NELL1: variants seen among roughly 807,000 people sequenced by gnomAD.
NELL1 encodes protein kinase C-binding protein NELL1.
In NELL1, 76 loss-of-function variants were observed where a neutral mutation model predicts 107.4. The observed-to-expected ratio is 0.71, with a 90% CI of 0.59 to 0.86. The LOEUF (loss-of-function observed/expected upper bound fraction) is 0.86. Among genes scored for constraint, NELL1 ranks in the 40% least tolerant of loss-of-function variants. NELL1 has a pLI of 0.00. For missense variants in NELL1, 1,024 were observed against 1,005.5 expected, an observed-to-expected ratio of 1.02 and a Z score of -0.25; for synonymous variants, 353 against 341.2, an observed-to-expected ratio of 1.03 and a Z score of -0.38.
At chr11:20,775,105 T>C (rs1856723729) in intron 2 of NELL1, among the ~76,000 whole-genome samples, 1 of 152,220 alleles carries the variant, frequency 6.6e-6, no homozygotes, top group Non-Finnish European at 1.5e-5. Flanking sequence ...GCATAAACAT[T>C]GTAGTTTTTT....
At chr11:21,044,059 T>A (rs985587214) in intron 12 of NELL1, among the ~76,000 whole-genome samples, 1 of 152,122 alleles carries the variant, frequency 6.6e-6, no homozygotes, top group African/African-American at 2.4e-5. Context: ...ACCATAAAAA[T>A]GCTTGAGATT....
chr11:21,157,990 G>A (rs1489563901), intron 13 of NELL1, among the ~76,000 whole-genome samples: 1 of 152,186 alleles, frequency 6.6e-6, no homozygotes, highest in Non-Finnish European at 1.5e-5. Context: ...ACTGGGAGAT[G>A]CAGACCCATC....
intron 12 of NELL1, among the ~76,000 whole-genome samples, chr11:21,070,847 T>G (rs1182844751): frequency 6.6e-6 from 1 of 152,154 alleles, no homozygotes; most frequent in Non-Finnish European, 1.5e-5. Context: ...TGAGTGACCT[T>G]AGCCAGGTCA....
intron 14 of NELL1, among the ~76,000 whole-genome samples, chr11:21,348,624 GT>G (rs1158597217): frequency 6.6e-6 from 1 of 152,122 alleles, no homozygotes; most frequent in Non-Finnish European, 1.5e-5. Context: ...GTGTTAAAAT[GT>G]TTAGTACATT....
At chr11:21,105,394 G>C (rs866082903) in intron 12 of NELL1, among the ~76,000 whole-genome samples, 1 of 152,076 alleles carries the variant, frequency 6.6e-6, no homozygotes, top group African/African-American at 2.4e-5. Context: ...ACCAGATGTG[G>C]TGTTTACGTC....
chr11:21,268,144 G>T (rs1269187236), intron 14 of NELL1, among the ~76,000 whole-genome samples: 4 of 152,120 alleles, frequency 2.6e-5, no homozygotes, highest in Admixed American at 1.3e-4. Context: ...AAACTTATGT[G>T]GGAACCAGGA....
At chr11:21,130,954 CT>C (rs1855601374) in intron 13 of NELL1, among the ~76,000 whole-genome samples, 1 of 151,992 alleles carries the variant, frequency 6.6e-6, no homozygotes, top group Non-Finnish European at 1.5e-5. Context: ...GGCTGTGCAG[CT>C]TTTTTCAGAA....
At chr11:21,180,855 C>T (rs1856811898) in intron 13 of NELL1, among the ~76,000 whole-genome samples, 3 of 149,640 alleles carry the variant, frequency 2.0e-5, no homozygotes, top group East Asian at 3.9e-4. Context: ...CATGGATTTC[C>T]TTAATATCTT....
chr11:21,107,953 C>G (rs1346223192), intron 12 of NELL1, among the ~76,000 whole-genome samples: 1 of 152,114 alleles, frequency 6.6e-6, no homozygotes, highest in African/African-American at 2.4e-5. Context: ...GAACAACTAT[C>G]CTCTTTGGAG....
At chr11:21,161,294 T>G (rs1421921345) in intron 13 of NELL1, among the ~76,000 whole-genome samples, 9 of 152,194 alleles carry the variant, frequency 5.9e-5, no homozygotes, top group African/African-American at 2.2e-4. Flanking sequence ...TACCAGCACC[T>G]TGGGAGGCTG....
At chr11:21,006,058 A>C (rs1306775548) in intron 12 of NELL1, among the ~76,000 whole-genome samples, 2 of 152,068 alleles carry the variant, frequency 1.3e-5, no homozygotes, top group African/African-American at 2.4e-5. Flanking sequence ...GTGGGAAATT[A>C]AATGAGAAAA....
chr11:21,528,712 C>T (rs1277504767), intron 15 of NELL1, among the ~76,000 whole-genome samples: 2 of 151,912 alleles, frequency 1.3e-5, no homozygotes, highest in Non-Finnish European at 2.9e-5. Context: ...ATTTAAAAGC[C>T]AAAGAAAGTG....
chr11:20,987,051 C>A (rs542267182), intron 12 of NELL1, among the ~76,000 whole-genome samples: 18 of 152,172 alleles, frequency 1.2e-4, no homozygotes, highest in African/African-American at 4.1e-4. Context: ...GCCTGGTACA[C>A]CCCTGGCATA....
At chr11:21,268,588 G>A (rs1458075552) in intron 14 of NELL1, among the ~76,000 whole-genome samples, 1 of 152,094 alleles carries the variant, frequency 6.6e-6, no homozygotes, top group African/African-American at 2.4e-5. Context: ...GGTGGAGATG[G>A]AGAAGCACTT....
chr11:20,895,947 T>C (rs563763829), intron 5 of NELL1, among the ~76,000 whole-genome samples: 6 of 152,178 alleles, frequency 3.9e-5, no homozygotes, highest in Non-Finnish European at 7.3e-5. Context: ...CACATTTTCT[T>C]TTTTTTAAAT....
At chr11:21,289,961 A>C (rs1240346129) in intron 14 of NELL1, among the ~76,000 whole-genome samples, 1 of 152,206 alleles carries the variant, frequency 6.6e-6, no homozygotes. Context: ...CTCTGGGAGT[A>C]GCATCTCTAA....
intron 12 of NELL1, among the ~76,000 whole-genome samples, chr11:20,995,509 C>T (rs558315070): frequency 4.6e-5 from 7 of 152,038 alleles, no homozygotes; most frequent in Admixed American, 6.6e-5. Flanking sequence ...CCCCAGGAAG[C>T]GGAGGTTACA....
intron 12 of NELL1, among the ~76,000 whole-genome samples, chr11:21,065,359 T>C (rs1191026329): frequency 2.0e-5 from 3 of 152,188 alleles, no homozygotes; most frequent in Non-Finnish European, 4.4e-5. Flanking sequence ...CTGTTTCTTG[T>C]ACAACTTATC....
intron 4 of NELL1, among the ~76,000 whole-genome samples, chr11:20,859,565 G>A (rs898135450): frequency 6.6e-6 from 1 of 152,138 alleles, no homozygotes; most frequent in Non-Finnish European, 1.5e-5. Flanking sequence ...CCAGTGTTAC[G>A]TATGTGGTTT....
Sources: gnomAD v4.1 joint callset for allele counts (sites outside exome capture counted in the v4.1 genomes callset) on GRCh38, gnomAD v4.1.1 for gene constraint, MANE v1.5 for transcripts, NCBI Gene and HGNC (gene_info 2026-07-23, HGNC 2026-07-21) for gene names.